Variants in TMEM135 observed in about 807,000 individuals in gnomAD.
The protein encoded by TMEM135 is peroxisomal membrane protein 52.
TMEM135 carries 30 observed loss-of-function variants against 60.3 expected under a neutral mutation model. The observed-to-expected ratio is 0.50, with a 90% CI of 0.37 to 0.68. TMEM135 has a LOEUF of 0.68. Among genes scored for constraint, TMEM135 ranks in the 30% least tolerant of loss-of-function variants. The pLI, the probability that TMEM135 is intolerant of heterozygous loss-of-function variation, is 0.00. For missense variants in TMEM135, 468 were observed against 548.8 expected (o/e 0.85, Z 1.47); for synonymous variants, 190 against 186.7 (o/e 1.02, Z -0.14).
intron 6 of TMEM135, among the ~76,000 whole-genome samples, chr11:87,288,244 A>G (rs371756949): frequency 3.9e-5 from 6 of 152,208 alleles, no homozygotes; most frequent in African/African-American, 1.4e-4. Context: ...CATTAATCAG[A>G]TTATGTATAT....
intron 3 of TMEM135, among the ~76,000 whole-genome samples, chr11:87,079,552 T>C (rs1446344922): frequency 6.6e-6 from 1 of 151,940 alleles, no homozygotes; most frequent in Non-Finnish European, 1.5e-5. Context: ...ATACAGACAA[T>C]TATGTTACCT....
intron 5 of TMEM135, among the ~76,000 whole-genome samples, chr11:87,175,029 A>C (rs1939332987): frequency 6.6e-6 from 1 of 152,150 alleles, no homozygotes; most frequent in Non-Finnish European, 1.5e-5. Context: ...AAGGTTGTGG[A>C]GTTACTATTA....
chr11:87,109,698 T>C (rs768673177), intron 4 of TMEM135, among the ~76,000 whole-genome samples: 6 of 152,242 alleles, frequency 3.9e-5, no homozygotes, highest in Non-Finnish European at 8.8e-5. Flanking sequence ...AGTTTTATCT[T>C]AATAAACTTA....
intron 4 of TMEM135, among the ~76,000 whole-genome samples, chr11:87,109,464 G>A (rs1857686772): frequency 6.6e-6 from 1 of 152,188 alleles, no homozygotes; most frequent in Non-Finnish European, 1.5e-5. Context: ...ATTCCTTGGT[G>A]TACTGTGCTC....
intron 5 of TMEM135, among the ~76,000 whole-genome samples, chr11:87,230,030 C>T (rs1185475304): frequency 6.6e-6 from 1 of 151,984 alleles, no homozygotes; most frequent in African/African-American, 2.4e-5. Flanking sequence ...TCCAACCCTG[C>T]AATCTAATTT....
intron 4 of TMEM135, chr11:87,095,602 A>T: frequency 9.7e-6 from 2 of 206,096 alleles, no homozygotes; most frequent in Admixed American, 4.3e-5. Flanking sequence ...CCTAAGGCAA[A>T]TTGATTACTG....
intron 6 of TMEM135, among the ~76,000 whole-genome samples, chr11:87,286,431 C>G (rs577225477): frequency 6.6e-6 from 1 of 152,242 alleles, no homozygotes; most frequent in East Asian, 1.9e-4. Flanking sequence ...CAAGTCCCCA[C>G]CCGACTCAGG....
At chr11:87,103,701 C>G (rs1218158744) in intron 4 of TMEM135, among the ~76,000 whole-genome samples, 1 of 151,926 alleles carries the variant, frequency 6.6e-6, no homozygotes, top group African/African-American at 2.4e-5. Context: ...CTCTGTCACT[C>G]AGGCTGGAGT....
intron 5 of TMEM135, chr11:87,157,641 A>C: frequency 2.4e-6 from 1 of 418,198 alleles, no homozygotes; most frequent in Non-Finnish European, 4.3e-6. Context: ...AAATATCTTT[A>C]CTCTTAAAAA....
intron 6 of TMEM135, among the ~76,000 whole-genome samples, chr11:87,257,092 A>G (rs964963846): frequency 3.9e-5 from 6 of 152,198 alleles, no homozygotes; most frequent in Admixed American, 2.0e-4. Flanking sequence ...ACTCTTAGCA[A>G]TGTTGAGTGT....
intron 5 of TMEM135, among the ~76,000 whole-genome samples, chr11:87,212,178 A>T (rs1940386471): frequency 6.6e-6 from 1 of 152,144 alleles, no homozygotes; most frequent in African/African-American, 2.4e-5. Flanking sequence ...AATCTGCATA[A>T]AAGTTTTGTT....
Position 87,326,863 on chromosome 11 carries a change from G to A in TMEM135, c.*5530G>A, listed in dbSNP as rs914350885. On this transcript the variant is annotated 3_prime_UTR_variant, in exon 15 of 15. Coordinates refer to ENST00000305494, the MANE Select transcript of TMEM135 (RefSeq NM_022918.4). The stretch of plus-strand genomic sequence containing the variant: ...GGCTCTCTTCAGAACCAAAGGGCAG[G>A]ATAAATAAATCTATGAAACTAGAGG... 8.9e-6 allele frequency: 4 copies of A among 450,930 alleles called. No individual in the cohort carries two copies. The highest frequency in any genetic ancestry group is 8.1e-5 in the African/African-American group (4 of 49,308). The allele number at this position is 450,930 out of a possible 1,614,324, so 27.9% of individuals were successfully genotyped here.
chr11:87,171,580 C>A (rs1454905362), intron 5 of TMEM135, among the ~76,000 whole-genome samples: 1 of 152,142 alleles, frequency 6.6e-6, no homozygotes, highest in Admixed American at 6.5e-5. Context: ...GTAGACTTTA[C>A]TAGCTGAGAC....
intron 12 of TMEM135, among the ~76,000 whole-genome samples, chr11:87,315,410 T>C (rs1942711131): frequency 6.6e-6 from 1 of 151,916 alleles, no homozygotes; most frequent in African/African-American, 2.4e-5. Flanking sequence ...GTATGTGAAC[T>C]TCCAATTGCA....
chr11:87,258,953 C>T (rs903297271), intron 6 of TMEM135: 7 of 1,501,276 alleles, frequency 4.7e-6, no homozygotes, highest in African/African-American at 2.8e-5. Context: ...TGCTGTTGCT[C>T]GGTTTGCATC....
At chr11:87,180,348 CT>C (rs1433659059) in intron 5 of TMEM135, among the ~76,000 whole-genome samples, 6 of 152,086 alleles carry the variant, frequency 3.9e-5, no homozygotes, top group Admixed American at 6.6e-5. Context: ...TTAGTTTTTG[CT>C]TTTTTCCCCC....
intron 4 of TMEM135, among the ~76,000 whole-genome samples, chr11:87,138,074 G>A (rs79262872): frequency 0.016 from 2,331 of 147,032 alleles, 36 homozygotes; most frequent in Non-Finnish European, 0.025. Context: ...TGTTTAAAAA[G>A]ACCAAGTTGA....
At chr11:87,235,309 G>A (rs754484915) in intron 5 of TMEM135, among the ~76,000 whole-genome samples, 1 of 150,812 alleles carries the variant, frequency 6.6e-6, no homozygotes, top group Non-Finnish European at 1.5e-5. Context: ...AGGGAGGGGA[G>A]GAGAGTATGT....
At chr11:87,088,428 G>A (rs1252545245) in intron 3 of TMEM135, among the ~76,000 whole-genome samples, 2 of 152,030 alleles carry the variant, frequency 1.3e-5, no homozygotes, top group Non-Finnish European at 2.9e-5. Context: ...TCCAAATTCT[G>A]AAGAAACCAA....
Sources: allele counts gnomAD v4.1 joint callset (sites outside exome capture counted in the v4.1 genomes callset), GRCh38; gene constraint gnomAD v4.1.1; transcripts MANE v1.5; gene names NCBI Gene and HGNC (gene_info 2026-07-23, HGNC 2026-07-21).